Variants in MS4A4E observed in about 807,000 individuals in gnomAD.
The protein encoded by MS4A4E is membrane spanning 4-domains A4E, also known as putative membrane-spanning 4-domains subfamily A member 4E.
In MS4A4E, 23 loss-of-function variants were observed where a neutral mutation model predicts 13.3. The ratio of observed to expected loss-of-function variants is 1.73; its 90% CI spans 1.25 to 2.45. The LOEUF is 2.45. Ranked by LOEUF, MS4A4E falls within the 30% of genes most tolerant of loss-of-function variation. The pLI is 0.00. For missense variants in MS4A4E, 144 were observed against 131.2 expected (o/e 1.10, Z -0.48); for synonymous variants, 36 against 45.6 (o/e 0.79, Z 0.85).
At chr11:60,202,317 C>G (rs114208678) in intron 8 of MS4A4E, among the ~76,000 whole-genome samples, 1 of 152,194 alleles carries the variant, frequency 6.6e-6, no homozygotes, top group Admixed American at 6.5e-5. Context: ...CAAACCTATC[C>G]TTTGGTGCTA....
chr11:60,242,914 A>G, intron 1 of MS4A4E, 44 bp downstream of exon 1: 1 of 1,425,808 alleles, frequency 7.0e-7, no homozygotes, highest in Non-Finnish European at 9.7e-7. Flanking sequence ...AAATGAAACA[A>G]ACTATCAGTC....
intron 8 of MS4A4E, among the ~76,000 whole-genome samples, chr11:60,204,215 AT>A (rs1483804773): frequency 6.6e-6 from 1 of 152,222 alleles, no homozygotes; most frequent in East Asian, 1.9e-4. Context: ...TCTGGCTTTT[AT>A]TATGAGTTAG....
At chr11:60,206,969 G>C (rs369973174) in intron 6 of MS4A4E, among the ~76,000 whole-genome samples, 1 of 152,088 alleles carries the variant, frequency 6.6e-6, no homozygotes, top group South Asian at 2.1e-4. Context: ...CCCTGGTCTC[G>C]CAAGAGGATC....
At chr11:60,215,815 A>G in intron 3 of MS4A4E, among the ~76,000 whole-genome samples, 1 of 152,176 alleles carries the variant, frequency 6.6e-6, no homozygotes, top group East Asian at 1.9e-4. Context: ...AAAAAGTACC[A>G]TAAACTCTTT....
chr11:60,241,560 T>G (rs1037597836), intron 1 of MS4A4E, among the ~76,000 whole-genome samples: 5 of 152,184 alleles, frequency 3.3e-5, no homozygotes, highest in Non-Finnish European at 1.5e-5. Flanking sequence ...CAGGTTCTGG[T>G]CATTCAAGGC....
chr11:60,203,863 A>G (rs2084011575), intron 8 of MS4A4E, among the ~76,000 whole-genome samples: 1 of 152,242 alleles, frequency 6.6e-6, no homozygotes, highest in African/African-American at 2.4e-5. Context: ...ACTTATAGAT[A>G]GAACCTAGAA....
Position 60,204,511 on chromosome 11 carries a change from C to T in MS4A4E, c.659+379G>A, listed in dbSNP as rs568068859. On this transcript the variant is annotated intron_variant, in intron 8 of 8. Transcript: ENST00000651255. Reference sequence around the variant, plus strand: ...ACATTTCCAATCAAATTACTCTCATCATTTTCACTTCACTGTCTAAGAAAT... The same window carrying T: ...ACATTTCCAATCAAATTACTCTCATTATTTTCACTTCACTGTCTAAGAAAT... 3.3e-5 allele frequency among the ~76,000 whole-genome samples: 5 copies of T among 152,298 alleles called. No homozygotes were observed. In the South Asian group the frequency reaches 1.0e-3, roughly 32 times the overall value.
At chr11:60,219,742 G>A (rs2084243809) in intron 3 of MS4A4E, among the ~76,000 whole-genome samples, 2 of 152,126 alleles carry the variant, frequency 1.3e-5, no homozygotes, top group South Asian at 4.1e-4. Flanking sequence ...TAACTGGATT[G>A]GGGAAAGAAA....
rs1287002665 is a variant in MS4A4E, at chr11:60,213,133, C to T, written c.223-1G>A. On this transcript the variant is annotated splice_acceptor_variant, in intron 4 of 8. Transcript: ENST00000651255. LOFTEE classifies it high-confidence loss of function. ...TATTCTTTCCTAGACTACCTCCAACCTAGAAAGAAATGAAAATTAATTAAG... is the reference window on the plus strand; with the variant it reads ...TATTCTTTCCTAGACTACCTCCAACTTAGAAAGAAATGAAAATTAATTAAG... The T allele has an allele frequency of 2.8e-6, 2 of 717,934 alleles. No individual in the cohort carries two copies. Among genetic ancestry groups the T allele is most frequent in the Admixed American group, 5.6e-5 (2 of 35,750 alleles). The allele number at this position is 717,934 out of a possible 1,614,324, so 44.5% of individuals were successfully genotyped here. A position where few individuals can be genotyped will look rare whatever the true frequency, so the allele number is the denominator to read the frequency against.
chr11:60,229,533 A>G lies in MS4A4E; in HGVS notation c.144+379T>C, dbSNP rs569842062. ...TTCATCCTCTGAGCAGTAGGCTAAG[A>G]AAAGCTGCAAGAAAGAAAGAGTAGC... On this transcript the variant is annotated intron_variant, in intron 2 of 8. Coordinates refer to ENST00000651255, the MANE Select transcript of MS4A4E (RefSeq NM_001393391.1). Among the ~76,000 whole-genome samples the G allele has an allele frequency of 2.0e-5, 3 of 152,334 alleles. No homozygotes were observed. In the South Asian group the frequency reaches 6.2e-4, roughly 32 times the overall value.
intron 1 of MS4A4E, among the ~76,000 whole-genome samples, chr11:60,240,250 GT>G (rs1219200378): frequency 6.6e-6 from 1 of 152,212 alleles, no homozygotes; most frequent in East Asian, 1.9e-4. Flanking sequence ...ATGTCTGGTA[GT>G]TTGTCATTGA....
At chr11:60,213,291 TATG>T (rs1292140635) in intron 4 of MS4A4E, 159 bp from the exon 5 acceptor site, 3 of 1,535,364 alleles carry the variant, frequency 2.0e-6, no homozygotes, top group African/African-American at 2.7e-5. Flanking sequence ...AAAACACAAA[TATG>T]ATCCCATTAT....
chr11:60,232,740 C>A (rs2084428400), intron 1 of MS4A4E, among the ~76,000 whole-genome samples: 1 of 152,166 alleles, frequency 6.6e-6, no homozygotes, highest in Non-Finnish European at 1.5e-5. Flanking sequence ...AACTGAATCA[C>A]TGGCTAGAGT....
At chr11:60,222,061 G>T (rs1348311675) in intron 3 of MS4A4E, among the ~76,000 whole-genome samples, 2 of 152,152 alleles carry the variant, frequency 1.3e-5, no homozygotes, top group Non-Finnish European at 2.9e-5. Flanking sequence ...TAATTTGCCA[G>T]CAGCAAAGAC....
At chr11:60,218,069 G>A (rs886623152) in intron 3 of MS4A4E, among the ~76,000 whole-genome samples, 13 of 152,112 alleles carry the variant, frequency 8.5e-5, no homozygotes, top group African/African-American at 1.2e-4. Flanking sequence ...GAGAATACGC[G>A]CCTGGGGGTA....
rs879099791 is a variant in MS4A4E, at chr11:60,213,052, C to T, written c.303G>A (p.Thr101=). Reference sequence around the variant, plus strand: ...AGTAATGGTAACGGAATGAATAAAACGTCAAGCTTATTGCATTGATTAAGA... The same window carrying T: ...AGTAATGGTAACGGAATGAATAAAATGTCAAGCTTATTGCATTGATTAAGA... The part of the protein sequence containing the change: ...SGILINAISL[T]FYSFRYHYCN... Residue 101 remains threonine, a synonymous_variant, in exon 5 of 9, where the codon ACG becomes ACA. Transcript: ENST00000651255. 1.3e-5 allele frequency: 6 copies of T among 473,784 alleles called. No individual in the cohort carries two copies. The highest frequency in any genetic ancestry group is 4.1e-5 in the South Asian group (1 of 24,236). 29.3% of individuals were successfully genotyped at this position (473,784 alleles called of 1,614,324 possible).
intron 1 of MS4A4E, among the ~76,000 whole-genome samples, chr11:60,231,473 T>A (rs1429941530): frequency 1.3e-5 from 2 of 152,156 alleles, no homozygotes; most frequent in Non-Finnish European, 2.9e-5. Context: ...GAACTCCATT[T>A]TGTTATGAAA....
chr11:60,216,426 T>C (rs935661113), intron 3 of MS4A4E, among the ~76,000 whole-genome samples: 2 of 152,180 alleles, frequency 1.3e-5, no homozygotes, highest in East Asian at 3.9e-4. Flanking sequence ...ACAGTTGTGA[T>C]CTTGAGCAAG....
chr11:60,238,256 A>T (rs1338358224), intron 1 of MS4A4E, among the ~76,000 whole-genome samples: 1 of 151,832 alleles, frequency 6.6e-6, no homozygotes, highest in Non-Finnish European at 1.5e-5. Context: ...TTCTTTTTAA[A>T]ATGTTTAGTA....
Sources: allele counts gnomAD v4.1 joint callset (sites outside exome capture counted in the v4.1 genomes callset), GRCh38; gene constraint gnomAD v4.1.1; transcripts MANE v1.5; gene names NCBI Gene and HGNC (gene_info 2026-07-23, HGNC 2026-07-21).